The following PPP1R12B variants were observed in gnomAD, a reference collection of about 807,000 sequenced individuals.
PPP1R12B encodes protein phosphatase 1 regulatory subunit 12B.
In PPP1R12B, 76 loss-of-function variants were observed where a neutral mutation model predicts 126.1. That is an observed-to-expected ratio of 0.60 (90% confidence interval 0.50 to 0.73). PPP1R12B has a LOEUF of 0.73. PPP1R12B is among the 30% of genes least tolerant of loss of function. The probability of loss-of-function intolerance (pLI) is 0.00; values close to 1 mark genes in which losing one functional copy is unlikely to be tolerated. For synonymous variants in PPP1R12B, 356 were observed against 434.7 expected (o/e 0.82, Z 2.25); for missense variants, 1,052 against 1,205.1 (o/e 0.87, Z 1.88).
rs1689650160 is a variant in PPP1R12B at position 202,583,306 on chromosome 1, CA to C, written c.*2750del. 6.6e-6 allele frequency: 1 copy of C among 152,162 alleles called. No individual in the cohort carries two copies. Among genetic ancestry groups the C allele is most frequent in the Non-Finnish European group, 1.5e-5 (1 of 68,028 alleles). 9.4% of individuals were successfully genotyped at this position (152,162 alleles called of 1,614,324 possible). A position where few individuals can be genotyped will look rare whatever the true frequency, so the allele number is the denominator to read the frequency against. On this transcript the variant is annotated 3_prime_UTR_variant, in exon 24 of 24. Coordinates refer to ENST00000608999, the MANE Select transcript of PPP1R12B (RefSeq NM_002481.4). ...CCTCCTCAGATCTGTTTGTGCCTTT[CA>C]AAAGTACTGGGGGCAGATTCTCAAA... is the stretch of plus-strand genomic sequence containing the variant.
intron 1 of PPP1R12B, among the ~76,000 whole-genome samples, chr1:202,386,012 CA>C (rs1218423988): frequency 6.6e-6 from 1 of 151,574 alleles, no homozygotes; most frequent in Non-Finnish European, 1.5e-5. Context: ...TGGCTCACTG[CA>C]AGCTCCACCT....
chr1:202,454,340 G>C (rs1262007695), intron 13 of PPP1R12B, among the ~76,000 whole-genome samples: 1 of 152,160 alleles, frequency 6.6e-6, no homozygotes, highest in Non-Finnish European at 1.5e-5. Flanking sequence ...GTGCATTTTA[G>C]GAATGGCACA....
At chr1:202,569,582 C>T (rs1303297037) in intron 23 of PPP1R12B, among the ~76,000 whole-genome samples, 1 of 152,206 alleles carries the variant, frequency 6.6e-6, no homozygotes, top group Non-Finnish European at 1.5e-5. Flanking sequence ...CTGGGGAAGC[C>T]TGAGCATGGC....
intron 1 of PPP1R12B, among the ~76,000 whole-genome samples, chr1:202,361,877 C>T (rs1173314633): frequency 6.6e-6 from 1 of 152,074 alleles, no homozygotes. Flanking sequence ...AAATGATGTG[C>T]TTGTCTTAGA....
chr1:202,453,088 G>A (rs1673212123), intron 13 of PPP1R12B, among the ~76,000 whole-genome samples: 1 of 152,080 alleles, frequency 6.6e-6, no homozygotes, highest in African/African-American at 2.4e-5. Context: ...TCAGTTTTTC[G>A]CCATTCAGTA....
chr1:202,474,796 C>T (rs1320599450), intron 13 of PPP1R12B, among the ~76,000 whole-genome samples: 1 of 152,064 alleles, frequency 6.6e-6, no homozygotes, highest in Non-Finnish European at 1.5e-5. Flanking sequence ...TTTAACTGCT[C>T]AGTGACCACA....
chr1:202,509,581 C>T (rs1432255340), intron 18 of PPP1R12B, among the ~76,000 whole-genome samples: 1 of 152,026 alleles, frequency 6.6e-6, no homozygotes, highest in Non-Finnish European at 1.5e-5. Flanking sequence ...AGATTATGAC[C>T]GTAAGTAAAT....
At chr1:202,396,460 A>G (rs1664995132) in intron 1 of PPP1R12B, among the ~76,000 whole-genome samples, 1 of 152,192 alleles carries the variant, frequency 6.6e-6, no homozygotes, top group African/African-American at 2.4e-5. Flanking sequence ...ATTCATTAAT[A>G]TTCAATATAT....
intron 18 of PPP1R12B, among the ~76,000 whole-genome samples, chr1:202,542,531 A>G (rs1157028265): frequency 6.6e-6 from 1 of 152,260 alleles, no homozygotes; most frequent in Non-Finnish European, 1.5e-5. Context: ...AAGGGCAAAG[A>G]TGACAGTTAA....
intron 1 of PPP1R12B, among the ~76,000 whole-genome samples, chr1:202,377,757 G>C (rs534003541): frequency 6.6e-6 from 1 of 151,514 alleles, no homozygotes; most frequent in Non-Finnish European, 1.5e-5. Context: ...GATGTGAATA[G>C]GCATTTAAGA....
Position 202,580,593 on chromosome 1 carries a change from A to G in PPP1R12B, c.*33A>G. ...TCCAGATTTATGAGGAAAGAAAGGG[A>G]CAGCATTTGCTGCCCCCACCCCTCT... On this transcript the variant is annotated 3_prime_UTR_variant, in exon 24 of 24. Coordinates refer to ENST00000608999, the MANE Select transcript of PPP1R12B (RefSeq NM_002481.4). 4 of 1,538,532 alleles carry G rather than the reference A, an allele frequency of 2.6e-6. No individual in the cohort carries two copies. Among genetic ancestry groups the G allele is most frequent in the Non-Finnish European group, 2.7e-6 (3 of 1,111,058 alleles).
rs56841647 is a variant in PPP1R12B at position 202,555,418 on chromosome 1, T to A, written c.2491-3459T>A. On this transcript the variant is annotated intron_variant, in intron 18 of 23. Transcript: ENST00000608999. ...ACAGCAGAATTTAAAACTAAAGATA[T>A]AGTAAAATCTTACCCAACAAATAGG... Among the ~76,000 whole-genome samples, 300 of 78,090 alleles carry A rather than the reference T, an allele frequency of 3.8e-3. 1 individual carries two copies. The highest frequency in any genetic ancestry group is 0.023 in the Middle Eastern group (2 of 88). 51.2% of individuals were successfully genotyped at this position (78,090 alleles called of 152,430 possible).
chr1:202,478,777 T>G (rs1676997552), intron 13 of PPP1R12B, among the ~76,000 whole-genome samples: 1 of 152,176 alleles, frequency 6.6e-6, no homozygotes, highest in African/African-American at 2.4e-5. Flanking sequence ...GCAGTGTGAT[T>G]TCACATGTGT....
chr1:202,575,305 T>G, intron 23 of PPP1R12B: 1 of 1,017,750 alleles, frequency 9.8e-7, no homozygotes, highest in South Asian at 2.0e-5. Flanking sequence ...ACTGAGATCA[T>G]AGAATGGGAC....
chr1:202,375,745 A>AG (rs1392061102), intron 1 of PPP1R12B, among the ~76,000 whole-genome samples: 1 of 152,140 alleles, frequency 6.6e-6, no homozygotes, highest in African/African-American at 2.4e-5. Context: ...TGTAGAGACA[A>AG]GGTCTCACGG....
Position 202,548,522 on chromosome 1 carries a change from A to G in PPP1R12B, c.2491-10355A>G, listed in dbSNP as rs557377951. On this transcript the variant is annotated intron_variant, in intron 18 of 23. Transcript: ENST00000608999. ...ACTATAGGTGTGCTGGGGCCTCACC[A>G]ACTTGTTGACCAAGCTGGTCTCAAA... Among the ~76,000 whole-genome samples, 7 of 151,976 alleles carry G rather than the reference A, an allele frequency of 4.6e-5. No homozygotes were observed. In the East Asian group the frequency reaches 1.4e-3, roughly 29 times the overall value.
intron 22 of PPP1R12B, among the ~76,000 whole-genome samples, chr1:202,568,786 GC>G (rs931913010): frequency 3.3e-5 from 5 of 152,174 alleles, no homozygotes; most frequent in Non-Finnish European, 7.3e-5. Flanking sequence ...AGATAATGAT[GC>G]CTTTTTGATA....
intron 18 of PPP1R12B, among the ~76,000 whole-genome samples, chr1:202,538,145 C>T (rs1051455938): frequency 6.6e-6 from 1 of 152,196 alleles, no homozygotes; most frequent in Admixed American, 6.6e-5. Flanking sequence ...AGGTGCCCCC[C>T]ACAATGCCTG....
chr1:202,540,315 G>C, intron 18 of PPP1R12B: 1 of 1,275,616 alleles, frequency 7.8e-7, no homozygotes, highest in South Asian at 1.4e-5. Flanking sequence ...TATAACTTGG[G>C]GCATTAGGTT....
Sources: gnomAD v4.1 joint callset for allele counts (sites outside exome capture counted in the v4.1 genomes callset) on GRCh38, gnomAD v4.1.1 for gene constraint, MANE v1.5 for transcripts, NCBI Gene and HGNC (gene_info 2026-07-23, HGNC 2026-07-21) for gene names.